PLCXD3: variants seen among roughly 807,000 people sequenced by gnomAD.
The protein encoded by PLCXD3 is PI-PLC X domain-containing protein 3.
PLCXD3 carries 19 observed loss-of-function variants against 25.5 expected under a neutral mutation model. The observed-to-expected ratio is 0.75, with a 90% CI of 0.52 to 1.09. PLCXD3 has a LOEUF of 1.09. PLCXD3 is among the 50% of genes least tolerant of loss of function. The pLI is 0.00. For synonymous variants in PLCXD3, 174 were observed against 137.6 expected, an observed-to-expected ratio of 1.26 and a Z score of -1.85; for missense variants, 411 against 388.1, an observed-to-expected ratio of 1.06 and a Z score of -0.50.
intron 1 of PLCXD3, among the ~76,000 whole-genome samples, chr5:41,503,843 C>T (rs957091783): frequency 2.0e-5 from 3 of 152,154 alleles, no homozygotes; most frequent in African/African-American, 7.2e-5. Flanking sequence ...GAGTGCTCAT[C>T]ATGGTGGCAT....
chr5:41,322,414 C>G (rs1258528124), intron 2 of PLCXD3, among the ~76,000 whole-genome samples: 2 of 152,086 alleles, frequency 1.3e-5, no homozygotes, highest in African/African-American at 4.8e-5. Flanking sequence ...ATAACAAATG[C>G]TGGAGGGGAC....
At chr5:41,469,390 G>A (rs1351966696) in intron 1 of PLCXD3, among the ~76,000 whole-genome samples, 1 of 151,928 alleles carries the variant, frequency 6.6e-6, no homozygotes, top group African/African-American at 2.4e-5. Context: ...AATGAGTTTG[G>A]AAATATTTCC....
chr5:41,435,162 AACCTGCTT>A (rs1747217166), intron 1 of PLCXD3, among the ~76,000 whole-genome samples: 1 of 152,206 alleles, frequency 6.6e-6, no homozygotes, highest in Non-Finnish European at 1.5e-5. Flanking sequence ...ACTATTTTGT[AACCTGCTT>A]TTACCACTTG....
In PLCXD3 at chr5:41,429,751, G is replaced by A. The variant is rs139321557; in HGVS notation, c.104-47217C>T. Among the ~76,000 whole-genome samples, 11 of 152,200 alleles carry A rather than the reference G, an allele frequency of 7.2e-5. No individual in the cohort carries two copies. In the South Asian group the frequency reaches 1.2e-3, roughly 17 times the overall value. ...ATGGAAAAAGAGAAAAAGGAATGACGAAGGTAGGAATTCAGATCTGAGACA... is the reference window on the plus strand; with the variant it reads ...ATGGAAAAAGAGAAAAAGGAATGACAAAGGTAGGAATTCAGATCTGAGACA... On this transcript the variant is annotated intron_variant, in intron 1 of 2. Transcript: ENST00000377801.
At chr5:41,493,677 T>C (rs1191038095) in intron 1 of PLCXD3, among the ~76,000 whole-genome samples, 1 of 152,234 alleles carries the variant, frequency 6.6e-6, no homozygotes, top group African/African-American at 2.4e-5. Context: ...GCCTTGCAGT[T>C]TGATCTCAGA....
At chr5:41,314,043 G>A (rs1743218586) in intron 2 of PLCXD3, among the ~76,000 whole-genome samples, 1 of 152,124 alleles carries the variant, frequency 6.6e-6, no homozygotes, top group Non-Finnish European at 1.5e-5. Flanking sequence ...TCCCTACTAA[G>A]AAAACAACAT....
chr5:41,493,392 C>T (rs958869498), intron 1 of PLCXD3, among the ~76,000 whole-genome samples: 3 of 152,212 alleles, frequency 2.0e-5, no homozygotes, highest in African/African-American at 7.2e-5. Context: ...GTCAGGGACC[C>T]ACTTGAGGAG....
intron 1 of PLCXD3, among the ~76,000 whole-genome samples, chr5:41,401,983 T>A (rs1746200053): frequency 1.3e-5 from 2 of 151,970 alleles, no homozygotes; most frequent in Admixed American, 1.3e-4. Flanking sequence ...TTTTTCTTTC[T>A]TTCATTTTCT....
Position 41,311,690 on chromosome 5 carries a change from T to A in PLCXD3, c.*1927A>T, listed in dbSNP as rs1447555927. 1.3e-5 allele frequency: 2 copies of A among 152,148 alleles called. No individual in the cohort carries two copies. Among genetic ancestry groups the A allele is most frequent in the Non-Finnish European group, 2.9e-5 (2 of 68,002 alleles). 9.4% of individuals were successfully genotyped at this position (152,148 alleles called of 1,614,324 possible). ...TGGTATACCACAGGTACATACACAC[T>A]CCTCATAAACATTCTCTTCAGTATA... is the stretch of plus-strand genomic sequence containing the variant. On this transcript the variant is annotated 3_prime_UTR_variant, in exon 3 of 3. Coordinates refer to ENST00000377801, the MANE Select transcript of PLCXD3 (RefSeq NM_001005473.3).
intron 2 of PLCXD3, among the ~76,000 whole-genome samples, chr5:41,330,895 AC>A (rs1355093564): frequency 5.3e-5 from 8 of 152,214 alleles, no homozygotes; most frequent in African/African-American, 1.4e-4. Context: ...AAATTCAACA[AC>A]CCTTCATGCT....
At chr5:41,446,634 A>G (rs763719251) in intron 1 of PLCXD3, among the ~76,000 whole-genome samples, 1 of 151,984 alleles carries the variant, frequency 6.6e-6, no homozygotes, top group African/African-American at 2.4e-5. Context: ...AGGAACTGAT[A>G]CTCAAGGAGA....
chr5:41,487,003 C>T (rs1044180790), intron 1 of PLCXD3, among the ~76,000 whole-genome samples: 5 of 151,788 alleles, frequency 3.3e-5, no homozygotes, highest in African/African-American at 7.2e-5. Flanking sequence ...AATTAGAATG[C>T]GAATTTAAAA....
chr5:41,321,599 A>T (rs898630586), intron 2 of PLCXD3, among the ~76,000 whole-genome samples: 2 of 152,206 alleles, frequency 1.3e-5, no homozygotes, highest in Admixed American at 6.5e-5. Context: ...TTATGTGGAA[A>T]CACAAAAGAC....
chr5:41,448,769 G>A (rs771901333), intron 1 of PLCXD3, among the ~76,000 whole-genome samples: 5 of 152,116 alleles, frequency 3.3e-5, no homozygotes, highest in Non-Finnish European at 7.4e-5. Flanking sequence ...GAATGGATGA[G>A]TGAAATAAAT....
Position 41,381,937 on chromosome 5 carries a change from G to C in PLCXD3, c.701C>G (p.Thr234Ser), listed in dbSNP as rs367864638. Residue 234 changes from threonine to serine, a missense_variant, in exon 2 of 3, where the codon ACT (threonine) becomes AGT (serine). Coordinates refer to ENST00000377801, the MANE Select transcript of PLCXD3 (RefSeq NM_001005473.3). Reference protein sequence around the residue: ...KLIQFLQASITERRKKGSFFI... With the variant: ...KLIQFLQASISERRKKGSFFI... ...AAACGATCCCTTCTTTCTTCTCTCA[G>C]TGATGGATGCTTGAAGAAACTGGAT... 1 of 1,613,302 alleles carries C rather than the reference G, an allele frequency of 6.2e-7. No homozygotes were observed. Among genetic ancestry groups the C allele is most frequent in the African/African-American group, 1.3e-5 (1 of 74,816 alleles).
intron 2 of PLCXD3, among the ~76,000 whole-genome samples, chr5:41,346,803 C>T (rs1744314701): frequency 6.6e-6 from 1 of 152,134 alleles, no homozygotes; most frequent in Non-Finnish European, 1.5e-5. Flanking sequence ...ATTTAAGCTT[C>T]CTTCCTGCCC....
intron 2 of PLCXD3, among the ~76,000 whole-genome samples, chr5:41,315,825 G>T (rs566284649): frequency 6.6e-6 from 1 of 152,286 alleles, no homozygotes; most frequent in Non-Finnish European, 1.5e-5. Flanking sequence ...ACCTAACTCA[G>T]CGGACGCCCA....
intron 1 of PLCXD3, among the ~76,000 whole-genome samples, chr5:41,500,633 G>A (rs574750662): frequency 6.6e-6 from 1 of 151,770 alleles, no homozygotes; most frequent in East Asian, 1.9e-4. Flanking sequence ...GGAAGAAAAT[G>A]TAGGGGGAAA....
intron 1 of PLCXD3, among the ~76,000 whole-genome samples, chr5:41,396,218 G>A (rs143935907): frequency 1.1e-4 from 16 of 152,254 alleles, no homozygotes; most frequent in Admixed American, 4.6e-4. Context: ...CTTGGTGGGA[G>A]GTGATTAGAT....
Sources: gnomAD v4.1 joint callset for allele counts (sites outside exome capture counted in the v4.1 genomes callset) on GRCh38, gnomAD v4.1.1 for gene constraint, MANE v1.5 for transcripts, NCBI Gene and HGNC (gene_info 2026-07-23, HGNC 2026-07-21) for gene names.